The following SPAG8 variants were observed in gnomAD, a reference collection of about 807,000 sequenced individuals.
SPAG8 encodes sperm associated antigen 8, also known as sperm-associated antigen 8.
A neutral mutation model predicts 45.3 loss-of-function variants in SPAG8; 36 were observed. The observed-to-expected ratio is 0.80, with a 90% CI of 0.61 to 1.05. The LOEUF (loss-of-function observed/expected upper bound fraction) is 1.05. Ranked by LOEUF, SPAG8 falls within the 50% of genes least tolerant of loss-of-function variation. SPAG8 has a pLI of 0.00. For synonymous variants in SPAG8, 227 were observed against 232.6 expected (o/e 0.98, Z 0.22); for missense variants, 573 against 609.2 (o/e 0.94, Z 0.63).
rs1828789153 is a variant in SPAG8, at chr9:35,811,410, A to G, written c.636T>C (p.Cys212=). 3 of 1,614,012 alleles carry G rather than the reference A, an allele frequency of 1.9e-6. No individual in the cohort carries two copies. Among genetic ancestry groups the G allele is most frequent in the African/African-American group, 2.7e-5 (2 of 74,904 alleles). Residue 212 remains cysteine, a synonymous_variant, in exon 2 of 7, where the codon TGT becomes TGC. Transcript: ENST00000396638. ...CCAGGTTTCTGAACCCTGGAGGAAT[A>G]CAGGGGCTGAGCTCAGAGTCAGGGC... ...DTGPDSELSP[C]IPPGFRNLVA...
At chr9:35,809,288 G>A (rs1178007487), downstream of SPAG8, 2 of 1,610,462 alleles carry the variant, frequency 1.2e-6, no homozygotes, top group African/African-American at 2.7e-5. The surrounding 1 kb of genome is among the most constrained non-coding windows in gnomAD (Gnocchi z 4.1). Context: ...GAAAGGGAGG[G>A]TGAAAGTGAT....
chr9:35,808,310 G>A (rs761190573), downstream of SPAG8: 1 of 1,596,930 alleles, frequency 6.3e-7, no homozygotes, highest in South Asian at 1.1e-5. The surrounding 1 kb of genome is among the most constrained non-coding windows in gnomAD (Gnocchi z 4.0). Context: ...CCAGGTGCTG[G>A]GTGGAGAAAG....
downstream of SPAG8, chr9:35,809,357 C>A: frequency 3.1e-6 from 5 of 1,613,926 alleles, no homozygotes; most frequent in Non-Finnish European, 4.2e-6. This position sits in a 1 kb window ranked among gnomAD's most constrained non-coding sequence, Gnocchi z 4.1. Context: ...GCATCTGAAT[C>A]ATGTCCACTC....
In SPAG8 at chr9:35,810,655, A is replaced by G; in HGVS notation, c.1067T>C (p.Leu356Pro). Reference sequence around the variant, plus strand: ...CCCTTACCAGATCTGATGCTGCAGGAGCATCTCCAGCATGGCTTCACGCTT... The same window carrying G: ...CCCTTACCAGATCTGATGCTGCAGGGGCATCTCCAGCATGGCTTCACGCTT... ...RGKREAMLEM[L>P]LQHQICKEVQ... Residue 356 changes from leucine to proline, a missense_variant, in exon 4 of 7, where the codon CTC becomes CCC. Coordinates refer to ENST00000396638, the MANE Select transcript of SPAG8 (RefSeq NM_001039592.2). 1 of 1,613,928 alleles carries G rather than the reference A, an allele frequency of 6.2e-7. No homozygotes were observed. Among genetic ancestry groups the G allele is most frequent in the Admixed American group, 1.7e-5 (1 of 60,012 alleles).
downstream of SPAG8, chr9:35,809,422 A>G: frequency 1.2e-6 from 2 of 1,614,212 alleles, no homozygotes; most frequent in Non-Finnish European, 1.7e-6. The surrounding 1 kb of genome is among the most constrained non-coding windows in gnomAD (Gnocchi z 4.1). Flanking sequence ...AGGAGAGCGG[A>G]AAGGACCTCC....
At chr9:35,811,101 C>A (rs112355362) in intron 2 of SPAG8, 44 bp from the exon 3 acceptor site, 4 of 1,588,590 alleles carry the variant, frequency 2.5e-6, no homozygotes, top group Non-Finnish European at 3.4e-6. Flanking sequence ...CTTCTGGTAC[C>A]CACCCTCATG....
At chr9:35,809,138 C>A, downstream of SPAG8, 1 of 1,605,078 alleles carries the variant, frequency 6.2e-7, no homozygotes, top group Non-Finnish European at 8.5e-7. The surrounding 1 kb of genome is among the most constrained non-coding windows in gnomAD (Gnocchi z 4.1). Flanking sequence ...ACCATCCTCC[C>A]CATTCCACCC....
At position 35,812,255 on chromosome 9, in the gene SPAG8, T is replaced by G. The variant is rs114309276; in HGVS notation, c.-108A>C. On this transcript the variant is annotated 5_prime_UTR_variant, in exon 1 of 7. Transcript: ENST00000396638. ...CAGGTGGCGGTGGAGGCAAGTCCTC[T>G]GCGGGGCGGAAGTCTTCAGCCTAGT... 2 of 1,288,198 alleles carry G rather than the reference T, an allele frequency of 1.6e-6. No homozygotes were observed. The highest frequency in any genetic ancestry group is 2.2e-6 in the Non-Finnish European group (2 of 922,482). The allele number at this position is 1,288,198 out of a possible 1,614,324, so 79.8% of individuals were successfully genotyped here.
chr9:35,811,512 G>GCCAGGA lies in SPAG8; in HGVS notation c.528_533dup (p.Pro177_Gly178dup), dbSNP rs771480877. 1.2e-4 allele frequency: 155 copies of GCCAGGA among 1,315,052 alleles called. No individual in the cohort carries two copies. The highest frequency in any genetic ancestry group is 1.6e-4 in the Non-Finnish European group (150 of 943,596). The allele number at this position is 1,315,052 out of a possible 1,614,324, so 81.5% of individuals were successfully genotyped here. A position where few individuals can be genotyped will look rare whatever the true frequency, so the allele number is the denominator to read the frequency against. ...GACCAGGACCAGAGCCAGGACCAGAGCCAGGACCAGGACCAGAGCCAGAGC... is the reference window on the plus strand; with the variant it reads ...GACCAGGACCAGAGCCAGGACCAGAGCCAGGACCAGGACCAGGACCAGAGCCAGAGC... On this transcript the variant is annotated inframe_insertion, in exon 2 of 7. Coordinates refer to ENST00000396638, the MANE Select transcript of SPAG8 (RefSeq NM_001039592.2).
At position 35,811,526 on chromosome 9, in the gene SPAG8, C is replaced by A; in HGVS notation, c.520G>T (p.Gly174Cys). Residue 174 changes from glycine to cysteine, a missense_variant, in exon 2 of 7, where the codon GGT (glycine) becomes TGT (cysteine). Physicochemically the swap from Gly to Cys is radical, Grantham distance 159 (BLOSUM62 -3). Transcript: ENST00000396638. ...GCGSVPGSGS[G>C]PGPGSGPGSG... ...CCAGGACCAGAGCCAGGACCAGGAC[C>A]AGAGCCAGAGCCAGGGACAGAGCCA... The A allele has an allele frequency of 2.5e-6, 4 of 1,605,812 alleles. No homozygotes were observed.
downstream of SPAG8, chr9:35,807,951 C>T (rs747803346): frequency 1.3e-4 from 71 of 561,068 alleles, no homozygotes; most frequent in Non-Finnish European, 6.0e-5. Flanking sequence ...TGGAAAGTAC[C>T]TAACATTGTT....
In SPAG8 at chr9:35,811,743, G is replaced by C. The variant is rs146173983; in HGVS notation, c.303C>G (p.Gly101=). Residue 101 remains glycine, a synonymous_variant, in exon 2 of 7, where the codon GGC becomes GGG. Coordinates refer to ENST00000396638, the MANE Select transcript of SPAG8 (RefSeq NM_001039592.2). ...SLLGEPCAGP[G]FTHNIAHGSL... is the part of the protein sequence containing the mutation. ...TCCCATGGGCTATATTGTGGGTAAA[G>C]CCGGGTCCCGCACAGGGCTCCCCAA... The C allele has an allele frequency of 7.7e-5, 125 of 1,614,250 alleles. No homozygotes were observed. In the African/African-American group the frequency reaches 1.4e-3, roughly 18 times the overall value.
At position 35,812,225 on chromosome 9, in the gene SPAG8, A is replaced by C. The variant is rs568549312; in HGVS notation, c.-78T>G. On this transcript the variant is annotated 5_prime_UTR_variant, in exon 1 of 7. Coordinates refer to ENST00000396638, the MANE Select transcript of SPAG8 (RefSeq NM_001039592.2). The stretch of plus-strand genomic sequence containing the variant: ...CCTGCGCAGAAGTACAGCTGGGCGG[A>C]CTTGCAGGTGGCGGTGGAGGCAAGT... The C allele has an allele frequency of 7.5e-5, 116 of 1,536,488 alleles. No homozygotes were observed. The highest frequency in any genetic ancestry group is 9.3e-5 in the Non-Finnish European group (105 of 1,132,136).
downstream of SPAG8, chr9:35,808,624 C>T: frequency 6.2e-7 from 1 of 1,614,174 alleles, no homozygotes. This position sits in a 1 kb window ranked among gnomAD's most constrained non-coding sequence, Gnocchi z 4.0. Context: ...GCAGTTTCTT[C>T]CTTTCGCATC....
chr9:35,809,627 C>T (rs1484771486), downstream of SPAG8: 1 of 1,136,654 alleles, frequency 8.8e-7, no homozygotes, highest in Non-Finnish European at 1.3e-6. The surrounding 1 kb of genome is among the most constrained non-coding windows in gnomAD (Gnocchi z 4.1). Flanking sequence ...ATACCTGTCC[C>T]TCTCTGGCTT....
downstream of SPAG8, chr9:35,808,964 G>A (rs972394997): frequency 4.1e-5 from 38 of 922,880 alleles, no homozygotes; most frequent in Middle Eastern, 2.1e-4. The surrounding 1 kb of genome is among the most constrained non-coding windows in gnomAD (Gnocchi z 4.0). Flanking sequence ...CCTTAGTGTC[G>A]CATCCTCGGG....
chr9:35,810,911 T>G lies in SPAG8; in HGVS notation c.1011A>C (p.Pro337=), dbSNP rs770111233. The G allele has an allele frequency of 2.5e-6, 4 of 1,613,830 alleles. No individual in the cohort carries two copies. The East Asian group carries it at 6.7e-5, about 27-fold the overall frequency. The part of the protein sequence containing the change: ...SSTTQKDSYQ[P]PGNVYWPLRG... ...GAAGTGGCCAATAGACGTTTCCTGG[T>G]GGCTGGTACGAGTCTTTCTGGGTGG... is the stretch of plus-strand genomic sequence containing the variant. The change falls in exon 3 of 7, where the codon CCA becomes CCC. Residue 337 remains proline, a synonymous_variant. Coordinates refer to ENST00000396638, the MANE Select transcript of SPAG8 (RefSeq NM_001039592.2).
chr9:35,809,279 A>G (rs369998334), downstream of SPAG8: 10 of 1,611,134 alleles, frequency 6.2e-6, no homozygotes, highest in Admixed American at 1.7e-5. This position sits in a 1 kb window ranked among gnomAD's most constrained non-coding sequence, Gnocchi z 4.1. Context: ...GGGGGCATGG[A>G]AAGGGAGGGT....
chr9:35,811,292 C>T lies in SPAG8; in HGVS notation c.754G>A (p.Glu252Lys). The T allele has an allele frequency of 6.2e-7, 1 of 1,614,160 alleles. No individual in the cohort carries two copies. The highest frequency in any genetic ancestry group is 8.5e-7 in the Non-Finnish European group (1 of 1,180,004). The change falls in exon 2 of 7, where the codon GAA becomes AAA. Residue 252 changes from glutamate to lysine, a missense_variant. Physicochemically the swap from Glu to Lys is moderately conservative, Grantham distance 56. Coordinates refer to ENST00000396638, the MANE Select transcript of SPAG8 (RefSeq NM_001039592.2). ...TTCCATAGTCCTCGGGCACCCGGTTCTAAGACTTGCAAAAATTCCCAAGGT... is the reference window on the plus strand; with the variant it reads ...TTCCATAGTCCTCGGGCACCCGGTTTTAAGACTTGCAAAAATTCCCAAGGT... The part of the protein sequence containing the change: ...QPPWEFLQVL[E>K]PGARGLWKPP...
Sources: gnomAD v4.1 joint callset for allele counts on GRCh38, gnomAD v4.1.1 for gene constraint, Gnocchi (gnomAD v3.1) non-coding constraint, MANE v1.5 for transcripts, NCBI Gene and HGNC (gene_info 2026-07-23, HGNC 2026-07-21) for gene names.